Variants in TCF12 observed in about 807,000 individuals in gnomAD.
TCF12 encodes transcription factor 12.
A neutral mutation model predicts 86.0 loss-of-function variants in TCF12; 45 were observed. The observed-to-expected ratio is 0.52, with a 90% CI of 0.41 to 0.67. TCF12 has a LOEUF of 0.67. Ranked by LOEUF, TCF12 falls within the 30% of genes least tolerant of loss-of-function variation. The pLI is 0.00. For synonymous variants in TCF12, 330 were observed against 299.6 expected (o/e 1.10, Z -1.05); for missense variants, 881 against 859.9 (o/e 1.02, Z -0.31).
At chr15:57,231,125 T>C (rs566324320) in intron 8 of TCF12, 27 bp from the exon 9 acceptor site, 28 of 1,489,284 alleles carry the variant, frequency 1.9e-5, no homozygotes, top group Non-Finnish European at 2.6e-5. Context: ...ATTTACATTT[T>C]AATTAAATGT....
At chr15:57,136,347 A>G (rs1451181110) in intron 5 of TCF12, among the ~76,000 whole-genome samples, 3 of 152,186 alleles carry the variant, frequency 2.0e-5, no homozygotes, top group African/African-American at 4.8e-5. Flanking sequence ...CTGGGAGGCC[A>G]TGTTTTCTTT....
At chr15:57,235,756 T>A (rs1241503363) in intron 12 of TCF12, among the ~76,000 whole-genome samples, 1 of 152,234 alleles carries the variant, frequency 6.6e-6, no homozygotes. Flanking sequence ...GATAATTTTT[T>A]AAAATTTAAC....
intron 5 of TCF12, among the ~76,000 whole-genome samples, chr15:57,116,347 TTTTTA>T (rs1258393970): frequency 6.6e-6 from 1 of 152,084 alleles, no homozygotes; most frequent in Non-Finnish European, 1.5e-5. Context: ...TGTGGTATAT[TTTTTA>T]TTTTATTTTA....
chr15:56,953,531 A>G (rs576474072), intron 3 of TCF12, among the ~76,000 whole-genome samples: 38 of 152,004 alleles, frequency 2.5e-4, no homozygotes, highest in Admixed American at 5.9e-4. Flanking sequence ...GGTAGAATTC[A>G]CCAATGAAAC....
At chr15:57,278,687 CCTCTCCCTCT>C (rs2061517017) in intron 19 of TCF12, 1 of 169,972 alleles carries the variant, frequency 5.9e-6, no homozygotes. Flanking sequence ...ACCTTTCCTC[CCTCTCCCTCT>C]CTCTCCCTCC....
At chr15:56,963,663 A>G (rs2061875483) in intron 3 of TCF12, among the ~76,000 whole-genome samples, 1 of 152,192 alleles carries the variant, frequency 6.6e-6, no homozygotes, top group African/African-American at 2.4e-5. Context: ...TGTAATATGA[A>G]AGGAGGTTCC....
chr15:57,275,253 C>T (rs1242046958), intron 19 of TCF12, among the ~76,000 whole-genome samples: 1 of 144,672 alleles, frequency 6.9e-6, no homozygotes, highest in Admixed American at 7.6e-5. Context: ...CCTACTTCTC[C>T]CCGGCCTTCA....
chr15:56,985,173 C>T (rs1202098512), intron 3 of TCF12, among the ~76,000 whole-genome samples: 3 of 152,142 alleles, frequency 2.0e-5, no homozygotes, highest in African/African-American at 7.2e-5. Context: ...TTCTACAATG[C>T]TTTTTCTCCA....
intron 5 of TCF12, among the ~76,000 whole-genome samples, chr15:57,138,674 T>C (rs1019050139): frequency 6.6e-6 from 1 of 152,198 alleles, no homozygotes; most frequent in Non-Finnish European, 1.5e-5. Flanking sequence ...AAGAGTTCAT[T>C]TGGAGACAGT....
chr15:57,124,796 G>A (rs2051514494), intron 5 of TCF12, among the ~76,000 whole-genome samples: 1 of 151,686 alleles, frequency 6.6e-6, no homozygotes, highest in East Asian at 1.9e-4. Flanking sequence ...TCCTCCCTCA[G>A]CCTCCAGAGT....
rs568531302 is a variant in TCF12, at chr15:57,248,050, C to A, written c.1115-3300C>A. 7.3e-4 allele frequency: 512 copies of A among 703,484 alleles called. No individual in the cohort carries two copies. The African/African-American group carries it at 8.2e-3, about 11-fold the overall frequency. The allele number at this position is 703,484 out of a possible 1,614,324, so 43.6% of individuals were successfully genotyped here. On this transcript the variant is annotated intron_variant, in intron 13 of 20. Transcript: ENST00000333725. The stretch of plus-strand genomic sequence containing the variant: ...CAGCGGTTTTACCTCCATTTTGAGA[C>A]CAGACAACTGGACTCATGTCTTCCA...
At chr15:56,938,818 G>T (rs1340893987) in intron 3 of TCF12, among the ~76,000 whole-genome samples, 1 of 152,060 alleles carries the variant, frequency 6.6e-6, no homozygotes, top group African/African-American at 2.4e-5. Flanking sequence ...TGAATTTTGA[G>T]AGGATGCAAA....
intron 7 of TCF12, 98 bp downstream of exon 7, chr15:57,192,391 T>C (rs1357921041): frequency 4.1e-6 from 6 of 1,469,150 alleles, no homozygotes; most frequent in Non-Finnish European, 5.5e-6. Flanking sequence ...TTTTTTTTCT[T>C]TCCGTTTCTT....
At chr15:57,039,270 T>A (rs1324602668) in intron 3 of TCF12, among the ~76,000 whole-genome samples, 1 of 152,214 alleles carries the variant, frequency 6.6e-6, no homozygotes, top group Non-Finnish European at 1.5e-5. Flanking sequence ...TTACCTGATG[T>A]CTAAATAAAT....
At chr15:57,009,522 G>A (rs1268383066) in intron 3 of TCF12, among the ~76,000 whole-genome samples, 2 of 152,160 alleles carry the variant, frequency 1.3e-5, no homozygotes, top group African/African-American at 2.4e-5. Context: ...TGAGAATGGC[G>A]AAATTTCCTG....
At chr15:57,030,688 G>A (rs12905900) in intron 3 of TCF12, among the ~76,000 whole-genome samples, 58,688 of 152,000 alleles carry the variant, frequency 0.39, 14,094 homozygotes, top group Non-Finnish European at 0.53. Flanking sequence ...GTTTGTTTCC[G>A]TTTCTTCCTC....
At chr15:57,104,592 C>T (rs1023777925) in intron 5 of TCF12, among the ~76,000 whole-genome samples, 3 of 151,516 alleles carry the variant, frequency 2.0e-5, no homozygotes, top group African/African-American at 7.3e-5. Flanking sequence ...CAGGCGCGCA[C>T]ACCCAGCTAA....
intron 8 of TCF12, among the ~76,000 whole-genome samples, chr15:57,222,305 C>T (rs1484072070): frequency 6.6e-6 from 1 of 150,582 alleles, no homozygotes; most frequent in South Asian, 2.1e-4. Flanking sequence ...TGAACAAACT[C>T]TAGGAAGAGA....
chr15:57,016,969 C>T (rs190057611), intron 3 of TCF12, among the ~76,000 whole-genome samples: 2 of 152,274 alleles, frequency 1.3e-5, no homozygotes, highest in East Asian at 3.9e-4. Flanking sequence ...TCCATTTGGG[C>T]TCATCCGTGT....
Sources: gnomAD v4.1 joint callset for allele counts (sites outside exome capture counted in the v4.1 genomes callset) on GRCh38, gnomAD v4.1.1 for gene constraint, MANE v1.5 for transcripts, NCBI Gene and HGNC (gene_info 2026-07-23, HGNC 2026-07-21) for gene names.